The following ADAMTS12 variants were observed in gnomAD, a reference collection of about 807,000 sequenced individuals.
ADAMTS12 encodes the protein A disintegrin and metalloproteinase with thrombospondin motifs 12.
A neutral mutation model predicts 167.8 loss-of-function variants in ADAMTS12; 118 were observed. The observed-to-expected ratio is 0.70, with a 90% confidence interval of 0.61 to 0.82. ADAMTS12 has a LOEUF of 0.82. ADAMTS12 is among the 40% of genes least tolerant of loss of function. ADAMTS12 has a pLI of 0.00. For synonymous variants in ADAMTS12, 704 were observed against 716.9 expected (o/e 0.98, Z 0.29); for missense variants, 1,916 against 1,998.8 (o/e 0.96, Z 0.79).
At chr5:33,836,321 C>T (rs1340172519) in intron 2 of ADAMTS12, among the ~76,000 whole-genome samples, 1 of 152,150 alleles carries the variant, frequency 6.6e-6, no homozygotes, top group Admixed American at 6.5e-5. Flanking sequence ...GAAGGCTCAT[C>T]AGGCTGGACG....
intron 16 of ADAMTS12, 70 bp from the exon 17 acceptor site, chr5:33,596,130 C>A: frequency 6.4e-7 from 1 of 1,568,498 alleles, no homozygotes. Context: ...AGGTGAGGTA[C>A]CTGACCACGT....
chr5:33,697,753 A>G (rs1354962050), intron 3 of ADAMTS12, among the ~76,000 whole-genome samples: 1 of 152,194 alleles, frequency 6.6e-6, no homozygotes, highest in Non-Finnish European at 1.5e-5. Context: ...TCTAAAACAA[A>G]TCAAATGTTT....
chr5:33,639,364 T>C (rs1177139793), intron 11 of ADAMTS12, among the ~76,000 whole-genome samples: 1 of 152,148 alleles, frequency 6.6e-6, no homozygotes, highest in African/African-American at 2.4e-5. Flanking sequence ...AAATGAGCTA[T>C]ATAAGAAATG....
intron 2 of ADAMTS12, among the ~76,000 whole-genome samples, chr5:33,870,985 G>C (rs77110833): frequency 0.023 from 3,466 of 152,160 alleles, 45 homozygotes; most frequent in Non-Finnish European, 0.037. Flanking sequence ...GTTTCAGGTA[G>C]TTCTTTATAG....
chr5:33,559,109 C>T (rs1283818747), intron 20 of ADAMTS12, among the ~76,000 whole-genome samples: 3 of 152,142 alleles, frequency 2.0e-5, no homozygotes, highest in Non-Finnish European at 2.9e-5. Flanking sequence ...ATTGCAACAC[C>T]TCTGGGTCCT....
chr5:33,717,513 G>A (rs1743657073), intron 3 of ADAMTS12, among the ~76,000 whole-genome samples: 1 of 152,112 alleles, frequency 6.6e-6, no homozygotes. Context: ...TTAGTTTCTG[G>A]ATACCATACA....
chr5:33,612,797 G>A (rs984514885), intron 16 of ADAMTS12, among the ~76,000 whole-genome samples: 1 of 152,170 alleles, frequency 6.6e-6, no homozygotes, highest in Non-Finnish European at 1.5e-5. Context: ...AGGAATGGCA[G>A]GACTGACTCT....
chr5:33,622,606 T>C (rs1428519488), intron 14 of ADAMTS12, among the ~76,000 whole-genome samples: 1 of 152,194 alleles, frequency 6.6e-6, no homozygotes. Flanking sequence ...TGAGCTGAGA[T>C]TGCAGCACTG....
intron 16 of ADAMTS12, among the ~76,000 whole-genome samples, chr5:33,611,270 T>C (rs1233217738): frequency 6.6e-6 from 1 of 151,800 alleles, no homozygotes; most frequent in East Asian, 1.9e-4. Context: ...TTCACGACCC[T>C]AGTTAACCCT....
intron 18 of ADAMTS12, among the ~76,000 whole-genome samples, chr5:33,582,201 G>C (rs1034084042): frequency 2.0e-5 from 3 of 152,174 alleles, no homozygotes; most frequent in African/African-American, 7.2e-5. Flanking sequence ...ATAGCTCTCA[G>C]CTGGTTTTCT....
At chr5:33,598,048 T>C (rs1737996450) in intron 16 of ADAMTS12, among the ~76,000 whole-genome samples, 3 of 152,178 alleles carry the variant, frequency 2.0e-5, no homozygotes, top group Non-Finnish European at 4.4e-5. Flanking sequence ...GGAAAGTTAA[T>C]AACATGGCAT....
intron 2 of ADAMTS12, among the ~76,000 whole-genome samples, chr5:33,880,136 C>T (rs1217065476): frequency 6.6e-6 from 1 of 152,130 alleles, no homozygotes; most frequent in Admixed American, 6.5e-5. Flanking sequence ...TGAGATATAG[C>T]GTATAATGAT....
intron 2 of ADAMTS12, among the ~76,000 whole-genome samples, chr5:33,840,755 C>A (rs1383052808): frequency 6.6e-6 from 1 of 152,206 alleles, no homozygotes; most frequent in African/African-American, 2.4e-5. Flanking sequence ...GGCCACCCTG[C>A]AGGGATAGGA....
intron 2 of ADAMTS12, among the ~76,000 whole-genome samples, chr5:33,807,927 A>G (rs1747304089): frequency 6.6e-6 from 1 of 152,204 alleles, no homozygotes; most frequent in Admixed American, 6.5e-5. Flanking sequence ...AAATTTCACT[A>G]TAGAAGAGGA....
intron 5 of ADAMTS12, among the ~76,000 whole-genome samples, chr5:33,672,244 A>C (rs1741735233): frequency 6.7e-6 from 1 of 148,760 alleles, no homozygotes; most frequent in Non-Finnish European, 1.5e-5. Flanking sequence ...TACATACCAC[A>C]CCCACATACT....
chr5:33,667,885 A>T lies in ADAMTS12; in HGVS notation c.916-5845T>A, dbSNP rs903959643. Among the ~76,000 whole-genome samples, 7 of 152,326 alleles carry T rather than the reference A, an allele frequency of 4.6e-5. 1 individual carries two copies. In the South Asian group the frequency reaches 1.5e-3, roughly 32 times the overall value. On this transcript the variant is annotated intron_variant, in intron 5 of 23. Coordinates refer to ENST00000504830, the MANE Select transcript of ADAMTS12 (RefSeq NM_030955.4). ...CTCAAAAGCAACAGTTTTGGAAATC[A>T]TTAAGATTCCAGAGCACCTTTGAAA...
At chr5:33,539,152 G>A (rs953227230) in intron 22 of ADAMTS12, among the ~76,000 whole-genome samples, 7 of 152,212 alleles carry the variant, frequency 4.6e-5, no homozygotes, top group African/African-American at 1.7e-4. Flanking sequence ...CTGTTGGCCA[G>A]GCTGGTCTTG....
At chr5:33,662,166 G>A in intron 5 of ADAMTS12, 126 bp from the exon 6 acceptor site, 3 of 1,260,584 alleles carry the variant, frequency 2.4e-6, no homozygotes, top group East Asian at 2.5e-5. Flanking sequence ...CAGACATTTG[G>A]CAGTCATGTG....
intron 19 of ADAMTS12, among the ~76,000 whole-genome samples, chr5:33,567,017 G>A (rs1233401611): frequency 6.6e-6 from 1 of 152,174 alleles, no homozygotes; most frequent in Non-Finnish European, 1.5e-5. Flanking sequence ...CTGCAGACTG[G>A]AATCATCACC....
Sources: allele counts gnomAD v4.1 joint callset (sites outside exome capture counted in the v4.1 genomes callset), GRCh38; gene constraint gnomAD v4.1.1; transcripts MANE v1.5; gene names NCBI Gene and HGNC (gene_info 2026-07-23, HGNC 2026-07-21).